Variants in CPNE8 observed in about 807,000 individuals in gnomAD.
The protein encoded by CPNE8 is copine 8.
CPNE8 carries 45 observed loss-of-function variants against 81.5 expected under a neutral mutation model. That is an observed-to-expected ratio of 0.55 (90% CI 0.44 to 0.71). The LOEUF is 0.71. Among genes scored for constraint, CPNE8 ranks in the 30% least tolerant of loss-of-function variants. The probability of loss-of-function intolerance (pLI) is 0.00; values close to 1 mark genes in which losing one functional copy is unlikely to be tolerated. For synonymous variants in CPNE8, 252 were observed against 226.3 expected (o/e 1.11, Z -1.02); for missense variants, 594 against 672.1 (o/e 0.88, Z 1.28).
At chr12:38,828,360 A>C (rs1943233393) in intron 6 of CPNE8, among the ~76,000 whole-genome samples, 1 of 152,200 alleles carries the variant, frequency 6.6e-6, no homozygotes, top group Non-Finnish European at 1.5e-5. Flanking sequence ...AGAATTTAAA[A>C]TGGGAGCTGA....
intron 14 of CPNE8, among the ~76,000 whole-genome samples, chr12:38,699,136 A>G (rs1278273232): frequency 6.6e-6 from 1 of 152,140 alleles, no homozygotes; most frequent in Non-Finnish European, 1.5e-5. Flanking sequence ...ATTTATTTCA[A>G]CAATGTTTTC....
intron 8 of CPNE8, among the ~76,000 whole-genome samples, chr12:38,767,387 T>G (rs989883207): frequency 1.3e-5 from 2 of 152,130 alleles, no homozygotes; most frequent in African/African-American, 4.8e-5. Flanking sequence ...AACTCAATGT[T>G]ATAATTGTAT....
chr12:38,867,337 T>TGA (rs1442950706), intron 3 of CPNE8, among the ~76,000 whole-genome samples: 468 of 137,204 alleles, frequency 3.4e-3, no homozygotes, highest in Non-Finnish European at 4.9e-3. Flanking sequence ...TGTGTGTGTG[T>TGA]GTGAGAGAGA....
At chr12:38,778,726 A>G (rs1416766746) in intron 6 of CPNE8, among the ~76,000 whole-genome samples, 1 of 152,186 alleles carries the variant, frequency 6.6e-6, no homozygotes, top group Non-Finnish European at 1.5e-5. Context: ...CAAATTGTTA[A>G]CCTTTCTTTT....
intron 1 of CPNE8, among the ~76,000 whole-genome samples, chr12:38,885,946 T>C (rs1008390597): frequency 2.6e-5 from 4 of 152,112 alleles, no homozygotes; most frequent in Admixed American, 2.6e-4. Flanking sequence ...TGATTGAAAG[T>C]TTCTGGAGGC....
At chr12:38,785,169 C>T (rs901782868) in intron 6 of CPNE8, among the ~76,000 whole-genome samples, 1 of 145,226 alleles carries the variant, frequency 6.9e-6, no homozygotes, top group African/African-American at 2.6e-5. Context: ...GCCTGGATGA[C>T]AGAGTGAGAC....
chr12:38,869,645 C>G (rs1943962404), intron 3 of CPNE8, among the ~76,000 whole-genome samples: 1 of 152,104 alleles, frequency 6.6e-6, no homozygotes, highest in African/African-American at 2.4e-5. Flanking sequence ...CACTTCCTTT[C>G]TATTCTTCCA....
intron 1 of CPNE8, among the ~76,000 whole-genome samples, chr12:38,902,362 AAGAAAGAAAG>A (rs1944489841): frequency 1.0e-5 from 1 of 95,254 alleles, no homozygotes; most frequent in Non-Finnish European, 1.9e-5. Context: ...GAAAGAAAGA[AAGAAAGAAAG>A]AAAGAAAGAA....
chr12:38,697,732 C>A (rs185855242), intron 14 of CPNE8, among the ~76,000 whole-genome samples: 1 of 113,962 alleles, frequency 8.8e-6, no homozygotes, highest in East Asian at 4.9e-4. Context: ...TACCATCTTC[C>A]TAGTAATGAG....
intron 13 of CPNE8, among the ~76,000 whole-genome samples, chr12:38,705,171 A>C (rs992187414): frequency 2.0e-5 from 3 of 152,026 alleles, no homozygotes; most frequent in African/African-American, 7.2e-5. Context: ...TTTAGCAACA[A>C]ATTACTTTTG....
chr12:38,763,449 G>A (rs1941613788), intron 8 of CPNE8, among the ~76,000 whole-genome samples: 1 of 152,114 alleles, frequency 6.6e-6, no homozygotes, highest in Admixed American at 6.5e-5. Context: ...GAGCCCCAAG[G>A]GCCCATTTAA....
intron 19 of CPNE8, among the ~76,000 whole-genome samples, chr12:38,658,844 C>A (rs573610099): frequency 1.4e-4 from 22 of 152,242 alleles, no homozygotes; most frequent in Admixed American, 3.9e-4. Flanking sequence ...CAGGCAAGCA[C>A]ATGCTGAGAG....
intron 6 of CPNE8, among the ~76,000 whole-genome samples, chr12:38,816,480 A>C (rs1313879974): frequency 6.6e-6 from 1 of 152,196 alleles, no homozygotes; most frequent in Non-Finnish European, 1.5e-5. Flanking sequence ...CATAGTATAC[A>C]GGAGAATTAA....
Position 38,705,868 on chromosome 12 carries a change from A to G in CPNE8, c.915-2947T>C, listed in dbSNP as rs190314037. Among the ~76,000 whole-genome samples, 220 of 152,274 alleles carry G rather than the reference A, an allele frequency of 1.4e-3. 1 individual carries two copies. Among genetic ancestry groups the G allele is most frequent in the African/African-American group, 5.0e-3 (208 of 41,570 alleles). The stretch of plus-strand genomic sequence containing the variant: ...AAAATGAGAACTGAAAGGAAACAAC[A>G]TGAGATATTACATATACATTTTATT... On this transcript the variant is annotated intron_variant, in intron 13 of 19. Coordinates refer to ENST00000331366, the MANE Select transcript of CPNE8 (RefSeq NM_153634.3).
intron 13 of CPNE8, among the ~76,000 whole-genome samples, chr12:38,720,347 G>A (rs931990372): frequency 1.3e-5 from 2 of 152,190 alleles, no homozygotes; most frequent in African/African-American, 4.8e-5. Flanking sequence ...GCAGGAGAAT[G>A]AGAGCAAACA....
At chr12:38,747,662 C>T (rs1941258882) in intron 10 of CPNE8, among the ~76,000 whole-genome samples, 1 of 152,074 alleles carries the variant, frequency 6.6e-6, no homozygotes, top group African/African-American at 2.4e-5. Context: ...TAGCCACCTG[C>T]ATTCACTGAG....
intron 10 of CPNE8, among the ~76,000 whole-genome samples, chr12:38,750,639 G>A (rs1355903218): frequency 1.3e-5 from 2 of 152,176 alleles, no homozygotes; most frequent in East Asian, 1.9e-4. Flanking sequence ...CTTTGTTTTG[G>A]CCAATGTCTC....
At chr12:38,896,780 T>TGG (rs914432200) in intron 1 of CPNE8, among the ~76,000 whole-genome samples, 1 of 152,122 alleles carries the variant, frequency 6.6e-6, no homozygotes, top group African/African-American at 2.4e-5. Context: ...TTAATCAGCA[T>TGG]GGGATAACAT....
At chr12:38,882,715 C>G (rs1405090750) in intron 1 of CPNE8, among the ~76,000 whole-genome samples, 1 of 152,152 alleles carries the variant, frequency 6.6e-6, no homozygotes, top group Non-Finnish European at 1.5e-5. Flanking sequence ...ATTCCAAACT[C>G]CGTAACACTG....
Sources: gnomAD v4.1 joint callset for allele counts (sites outside exome capture counted in the v4.1 genomes callset) on GRCh38, gnomAD v4.1.1 for gene constraint, MANE v1.5 for transcripts, NCBI Gene and HGNC (gene_info 2026-07-23, HGNC 2026-07-21) for gene names.